RGS6: variants seen among roughly 807,000 people sequenced by gnomAD.
RGS6 encodes regulator of G-protein signaling 6.
A neutral mutation model predicts 78.5 loss-of-function variants in RGS6; 30 were observed. The ratio of observed to expected loss-of-function variants is 0.38; its 90% CI spans 0.29 to 0.52. The LOEUF (loss-of-function observed/expected upper bound fraction) is 0.52. Ranked by LOEUF, RGS6 falls within the 20% of genes least tolerant of loss-of-function variation. The pLI is 0.85. For synonymous variants in RGS6, 206 were observed against 206.0 expected, an observed-to-expected ratio of 1.00 and a Z score of 0.00; for missense variants, 495 against 609.7, an observed-to-expected ratio of 0.81 and a Z score of 1.98.
intron 2 of RGS6, among the ~76,000 whole-genome samples, chr14:72,241,132 G>A (rs1007345753): frequency 3.4e-5 from 5 of 148,242 alleles, no homozygotes; most frequent in African/African-American, 1.2e-4. Context: ...ATTCCAGCCT[G>A]GTGACAGAGC....
intron 2 of RGS6, among the ~76,000 whole-genome samples, chr14:72,065,920 C>A (rs2094124077): frequency 6.6e-6 from 1 of 150,992 alleles, no homozygotes; most frequent in East Asian, 1.9e-4. Flanking sequence ...TATCCCTCCC[C>A]CCCTCCCCCC....
At chr14:72,594,555 C>T in the RGS6 span, among the ~76,000 whole-genome samples, 1 of 152,170 alleles carries the variant, frequency 6.6e-6, no homozygotes, top group Admixed American at 6.5e-5. Context: ...TATCACCACT[C>T]ATACTCTGAC....
chr14:71,943,534 T>A (rs1173472730), intron 1 of RGS6, among the ~76,000 whole-genome samples: 2 of 152,208 alleles, frequency 1.3e-5, no homozygotes, highest in African/African-American at 4.8e-5. Flanking sequence ...TGCTCCATAG[T>A]TCTCACATTG....
At chr14:71,948,704 G>A (rs1392128684) in intron 1 of RGS6, among the ~76,000 whole-genome samples, 3 of 140,750 alleles carry the variant, frequency 2.1e-5, no homozygotes, top group South Asian at 2.4e-4. Context: ...TTTCCCATTG[G>A]TAACTGCTAA....
chr14:72,024,618 T>C (rs980671310), intron 2 of RGS6, among the ~76,000 whole-genome samples: 2 of 152,200 alleles, frequency 1.3e-5, no homozygotes, highest in African/African-American at 4.8e-5. Flanking sequence ...TGAGTACCTA[T>C]GTTGAAATAG....
At chr14:72,086,278 C>A (rs1420997130) in intron 2 of RGS6, among the ~76,000 whole-genome samples, 3 of 152,134 alleles carry the variant, frequency 2.0e-5, no homozygotes, top group Admixed American at 1.3e-4. Context: ...GACACCTGTG[C>A]CCTCCATTGG....
intron 4 of RGS6, among the ~76,000 whole-genome samples, chr14:72,455,926 A>G (rs1276428681): frequency 6.6e-6 from 1 of 152,204 alleles, no homozygotes. Context: ...TTTGCCTCCT[A>G]AAATAATCGT....
intron 2 of RGS6, among the ~76,000 whole-genome samples, chr14:71,992,124 G>A (rs549671004): frequency 6.6e-6 from 1 of 151,260 alleles, no homozygotes; most frequent in East Asian, 2.0e-4. Flanking sequence ...TCCACCTCCT[G>A]GGTTCAAGTG....
intron 3 of RGS6, among the ~76,000 whole-genome samples, chr14:72,422,335 C>T (rs967963206): frequency 1.3e-5 from 2 of 152,080 alleles, no homozygotes; most frequent in Non-Finnish European, 2.9e-5. Context: ...AGCTTTACAT[C>T]TGAGTTATGC....
At chr14:72,285,792 G>T (rs1316781852) in intron 2 of RGS6, among the ~76,000 whole-genome samples, 1 of 152,072 alleles carries the variant, frequency 6.6e-6, no homozygotes, top group Non-Finnish European at 1.5e-5. Context: ...TCATATACTT[G>T]TTGGCCATTT....
intron 3 of RGS6, among the ~76,000 whole-genome samples, chr14:72,424,291 G>C (rs1566812345): frequency 6.6e-6 from 1 of 152,094 alleles, no homozygotes; most frequent in Non-Finnish European, 1.5e-5. Context: ...TTAGTTTGGG[G>C]GTAAGTTTTC....
chr14:71,987,198 CT>C (rs767486302), intron 2 of RGS6, among the ~76,000 whole-genome samples: 2 of 152,120 alleles, frequency 1.3e-5, no homozygotes, highest in Non-Finnish European at 2.9e-5. Flanking sequence ...AGGAGGTACG[CT>C]GAAGTTTTGT....
intron 2 of RGS6, among the ~76,000 whole-genome samples, chr14:72,040,800 A>T (rs918432217): frequency 2.0e-5 from 3 of 152,178 alleles, no homozygotes; most frequent in Non-Finnish European, 4.4e-5. Flanking sequence ...ATTTCAAATG[A>T]CCTATCTTCA....
chr14:72,208,251 A>G (rs1401763384), intron 2 of RGS6, among the ~76,000 whole-genome samples: 33 of 152,198 alleles, frequency 2.2e-4, no homozygotes, highest in Admixed American at 2.2e-3. Context: ...ATTGGAGCTG[A>G]GACATTGCAG....
the RGS6 span, among the ~76,000 whole-genome samples, chr14:72,591,368 G>C: frequency 6.6e-6 from 1 of 152,222 alleles, no homozygotes; most frequent in Admixed American, 6.5e-5. Flanking sequence ...TATCCCAGAG[G>C]TGGAATTATG....
chr14:72,518,292 C>T, intron 14 of RGS6, 59 bp from the exon 15 acceptor site: 1 of 1,536,410 alleles, frequency 6.5e-7, no homozygotes, highest in Non-Finnish European at 8.9e-7. Flanking sequence ...GGGGCCATCT[C>T]AGGCAACATC....
the RGS6 span, among the ~76,000 whole-genome samples, chr14:71,880,639 G>A: frequency 6.6e-6 from 1 of 152,266 alleles, no homozygotes; most frequent in Non-Finnish European, 1.5e-5. Context: ...GAGACTGTGA[G>A]TGCACAGAAG....
intron 3 of RGS6, among the ~76,000 whole-genome samples, chr14:72,390,081 G>C (rs902663522): frequency 2.2e-5 from 3 of 139,192 alleles, no homozygotes; most frequent in Non-Finnish European, 3.0e-5. Flanking sequence ...AGTATAAAGA[G>C]CTATAGTTCT....
intron 2 of RGS6, among the ~76,000 whole-genome samples, chr14:72,225,040 A>G (rs1369380178): frequency 6.6e-6 from 1 of 152,226 alleles, no homozygotes; most frequent in Non-Finnish European, 1.5e-5. Context: ...TGGCAAGCCT[A>G]GATGCCCCAT....
Sources: allele counts gnomAD v4.1 joint callset (sites outside exome capture counted in the v4.1 genomes callset), GRCh38; gene constraint gnomAD v4.1.1; transcripts MANE v1.5; gene names NCBI Gene and HGNC (gene_info 2026-07-23, HGNC 2026-07-21).